The following KCNJ3 variants were observed in gnomAD, a reference collection of about 807,000 sequenced individuals.
KCNJ3 encodes the protein G protein-activated inward rectifier potassium channel 1.
Under a neutral mutation model 39.2 loss-of-function variants are expected in KCNJ3, and 4 were observed. The ratio of observed to expected loss-of-function variants is 0.10; its 90% CI spans 0.05 to 0.23. The LOEUF is 0.23. Among genes scored for constraint, KCNJ3 ranks in the 10% least tolerant of loss-of-function variants. KCNJ3 has a pLI of 1.00. For missense variants in KCNJ3, 276 were observed against 634.9 expected (o/e 0.43, Z 6.08); for synonymous variants, 230 against 237.4 (o/e 0.97, Z 0.29).
intron 2 of KCNJ3, among the ~76,000 whole-genome samples, chr2:154,803,113 A>G (rs187541165): frequency 6.6e-6 from 1 of 152,222 alleles, no homozygotes; most frequent in Admixed American, 6.5e-5. Flanking sequence ...GATCTCCATG[A>G]CACAGTGGGA....
chr2:154,698,908 C>A lies in KCNJ3; in HGVS notation c.133C>A (p.Arg45=), dbSNP rs1684836837. 6.2e-7 allele frequency: 1 copy of A among 1,614,180 alleles called. No individual in the cohort carries two copies. The highest frequency in any genetic ancestry group is 1.3e-5 in the African/African-American group (1 of 75,066). The change falls in exon 1 of 3, where the codon CGG becomes AGG. Residue 45 remains arginine (R), a synonymous_variant. Coordinates refer to ENST00000295101, the MANE Select transcript of KCNJ3 (RefSeq NM_002239.4). ...GCTTGTGCCCAAGAAGAAGCGGCAG[C>A]GGTTCGTGGACAAGAACGGCCGGTG... ...QQLVPKKKRQ[R]FVDKNGRCNV... is the part of the protein sequence containing the mutation.
intron 2 of KCNJ3, among the ~76,000 whole-genome samples, chr2:154,836,666 C>A (rs1687470197): frequency 6.6e-6 from 1 of 152,026 alleles, no homozygotes; most frequent in Admixed American, 6.6e-5. Flanking sequence ...AACCAAAATA[C>A]AAAGCATTCC....
chr2:154,730,084 G>A (rs1424581980), intron 2 of KCNJ3, among the ~76,000 whole-genome samples: 2 of 151,928 alleles, frequency 1.3e-5, no homozygotes, highest in African/African-American at 4.8e-5. Context: ...TAAGCAGAAA[G>A]CAGTTGCCCC....
At chr2:154,852,575 TTCTTA>T (rs1171347728) in intron 2 of KCNJ3, among the ~76,000 whole-genome samples, 1 of 152,192 alleles carries the variant, frequency 6.6e-6, no homozygotes, top group Non-Finnish European at 1.5e-5. Context: ...GTTTTACTAT[TTCTTA>T]TCTTAACAAT....
intron 2 of KCNJ3, among the ~76,000 whole-genome samples, chr2:154,761,032 CGG>C (rs998123007): frequency 3.4e-4 from 51 of 148,802 alleles, no homozygotes; most frequent in African/African-American, 1.1e-3. Context: ...CCACCGTGAC[CGG>C]CCCCCTTAAA....
chr2:154,707,711 A>C (rs879929965), intron 1 of KCNJ3, among the ~76,000 whole-genome samples: 1 of 151,962 alleles, frequency 6.6e-6, no homozygotes, highest in Non-Finnish European at 1.5e-5. Context: ...AGCAGAACTT[A>C]GAATGGTCAG....
Position 154,836,241 on chromosome 2 carries a change from CAAA to C in KCNJ3, c.920-18479_920-18477del, listed in dbSNP as rs138197731. On this transcript the variant is annotated intron_variant, in intron 2 of 2. Transcript: ENST00000295101. ...AAACAAAAAAAAACAAAAAAAAAAA[CAAA>C]AAAAAACAACTAGGAGAAAATCTAG... Among the ~76,000 whole-genome samples the C allele has an allele frequency of 1.6e-4, 13 of 82,540 alleles. 1 individual carries two copies. The East Asian group carries it at 2.0e-3, about 13-fold the overall frequency. 54.1% of individuals were successfully genotyped at this position (82,540 alleles called of 152,430 possible).
intron 2 of KCNJ3, among the ~76,000 whole-genome samples, chr2:154,726,792 T>TATACACACAC (rs1553455085): frequency 9.9e-6 from 1 of 101,316 alleles, no homozygotes; most frequent in African/African-American, 4.2e-5. Flanking sequence ...ACATTTTATA[T>TATACACACAC]ACATACACAC....
chr2:154,847,397 G>C (rs1687679968), intron 2 of KCNJ3, among the ~76,000 whole-genome samples: 1 of 152,188 alleles, frequency 6.6e-6, no homozygotes, highest in Non-Finnish European at 1.5e-5. Flanking sequence ...AGAAGAAACA[G>C]CTATAGTCCT....
chr2:154,778,969 A>ACC (rs1393191692), intron 2 of KCNJ3, among the ~76,000 whole-genome samples: 1 of 152,140 alleles, frequency 6.6e-6, no homozygotes, highest in Non-Finnish European at 1.5e-5. Context: ...TGAAATAGAG[A>ACC]TAATAATATA....
chr2:154,789,234 C>T (rs1686586325), intron 2 of KCNJ3, among the ~76,000 whole-genome samples: 1 of 151,414 alleles, frequency 6.6e-6, no homozygotes, highest in East Asian at 1.9e-4. Flanking sequence ...TGTACCTAGG[C>T]CTAATAGTAA....
intron 2 of KCNJ3, among the ~76,000 whole-genome samples, chr2:154,791,401 A>G (rs772274211): frequency 6.6e-6 from 1 of 152,026 alleles, no homozygotes; most frequent in Non-Finnish European, 1.5e-5. Context: ...AGCTGGTTAC[A>G]TGTGCTTTAC....
chr2:154,818,051 T>G (rs2105107432), intron 2 of KCNJ3, among the ~76,000 whole-genome samples: 1 of 152,296 alleles, frequency 6.6e-6, no homozygotes, highest in African/African-American at 2.4e-5. Flanking sequence ...TGAGCCACAC[T>G]TGATCATGCA....
intron 2 of KCNJ3, among the ~76,000 whole-genome samples, chr2:154,836,640 T>A (rs1372575620): frequency 6.6e-6 from 1 of 152,180 alleles, no homozygotes; most frequent in Non-Finnish European, 1.5e-5. Flanking sequence ...TGATTATTAT[T>A]GTGATGCATT....
At chr2:154,772,977 AT>A (rs1686268291) in intron 2 of KCNJ3, among the ~76,000 whole-genome samples, 1 of 152,090 alleles carries the variant, frequency 6.6e-6, no homozygotes, top group South Asian at 2.1e-4. Context: ...CTAGAAAAAA[AT>A]CATTGGAATA....
chr2:154,852,730 A>G (rs560132685), intron 2 of KCNJ3, among the ~76,000 whole-genome samples: 110 of 152,272 alleles, frequency 7.2e-4, no homozygotes, highest in Non-Finnish European at 1.4e-3. Flanking sequence ...CTTATGAAAT[A>G]CTTAGAGGCT....
chr2:154,798,060 A>G (rs915527453), intron 2 of KCNJ3, among the ~76,000 whole-genome samples: 7 of 151,960 alleles, frequency 4.6e-5, no homozygotes, highest in African/African-American at 1.7e-4. Context: ...TGTGGAAACA[A>G]TGTTACATGT....
chr2:154,816,413 T>G (rs886493422), intron 2 of KCNJ3, among the ~76,000 whole-genome samples: 4 of 152,196 alleles, frequency 2.6e-5, no homozygotes, highest in Admixed American at 2.0e-4. Context: ...TTTCCTTTTA[T>G]GCAACATGCA....
At chr2:154,713,489 G>A (rs183400736) in intron 2 of KCNJ3, among the ~76,000 whole-genome samples, 9 of 152,224 alleles carry the variant, frequency 5.9e-5, no homozygotes, top group African/African-American at 2.2e-4. Flanking sequence ...AGGAGTGGTG[G>A]GGGGAGGGAA....
Sources: allele counts gnomAD v4.1 joint callset (sites outside exome capture counted in the v4.1 genomes callset), GRCh38; gene constraint gnomAD v4.1.1; transcripts MANE v1.5; gene names NCBI Gene and HGNC (gene_info 2026-07-23, HGNC 2026-07-21).